The following IQCJ variants were observed in gnomAD, a reference collection of about 807,000 sequenced individuals.
IQCJ encodes IQ motif containing J.
IQCJ carries 9 observed loss-of-function variants against 11.0 expected under a neutral mutation model. That is an observed-to-expected ratio of 0.82 (90% CI 0.49 to 1.43). The LOEUF is 1.43. IQCJ is among the 40% of genes most tolerant of loss of function. IQCJ has a pLI of 0.00. For missense variants in IQCJ, 146 were observed against 133.2 expected (o/e 1.10, Z -0.47); for synonymous variants, 55 against 51.3 (o/e 1.07, Z -0.31).
At chr3:159,126,686 A>G (rs188952136) in intron 1 of IQCJ, among the ~76,000 whole-genome samples, 1 of 152,234 alleles carries the variant, frequency 6.6e-6, no homozygotes, top group African/African-American at 2.4e-5. Flanking sequence ...AGTGGATGAG[A>G]GCACACCCAA....
intron 1 of IQCJ, among the ~76,000 whole-genome samples, chr3:159,106,939 T>C (rs536915751): frequency 2.6e-5 from 4 of 152,188 alleles, no homozygotes; most frequent in African/African-American, 7.2e-5. Context: ...ATAAATCAAG[T>C]CTGCTTTATA....
chr3:159,123,525 T>C (rs916280609), intron 1 of IQCJ, among the ~76,000 whole-genome samples: 5 of 151,994 alleles, frequency 3.3e-5, no homozygotes, highest in African/African-American at 9.7e-5. Flanking sequence ...TGGAGCTTGA[T>C]TGGGTGGGTT....
intron 1 of IQCJ, among the ~76,000 whole-genome samples, chr3:159,199,743 C>T (rs1724204834): frequency 6.6e-6 from 1 of 151,924 alleles, no homozygotes; most frequent in African/African-American, 2.4e-5. Flanking sequence ...GTGGAGCAGT[C>T]CTGGACCCAT....
intron 1 of IQCJ, among the ~76,000 whole-genome samples, chr3:159,083,357 A>G (rs564748858): frequency 4.6e-5 from 7 of 152,298 alleles, no homozygotes; most frequent in African/African-American, 1.4e-4. Flanking sequence ...AGCACATGAA[A>G]GGATGTCCAA....
In IQCJ at chr3:159,137,059, C is replaced by T. The variant is rs534766525; in HGVS notation, c.9+67618C>T. 6.6e-5 allele frequency among the ~76,000 whole-genome samples: 10 copies of T among 152,118 alleles called. No homozygotes were observed. The East Asian group carries it at 1.5e-3, about 24-fold the overall frequency. ...CAGGTGGATCACCAGGTCAGGAGTT[C>T]GAGATAAGCCTGGCCAACATGGTGA... On this transcript the variant is annotated intron_variant, in intron 1 of 3. Coordinates refer to ENST00000397832, the MANE Select transcript of IQCJ (RefSeq NM_001042706.3).
intron 1 of IQCJ, among the ~76,000 whole-genome samples, chr3:159,151,961 C>T (rs1313080413): frequency 6.6e-6 from 1 of 152,180 alleles, no homozygotes; most frequent in East Asian, 1.9e-4. Flanking sequence ...AAGACTCCTT[C>T]TAAATATCAG....
At chr3:159,251,606 T>C (rs1727604707) in intron 2 of IQCJ, among the ~76,000 whole-genome samples, 1 of 141,518 alleles carries the variant, frequency 7.1e-6, no homozygotes, top group South Asian at 2.2e-4. Flanking sequence ...GTAATGTTTC[T>C]TGAAATTTTT....
chr3:159,250,010 G>A (rs1179864701), intron 2 of IQCJ, among the ~76,000 whole-genome samples: 2 of 152,212 alleles, frequency 1.3e-5, no homozygotes, highest in South Asian at 2.1e-4. Flanking sequence ...TTATGACTCC[G>A]TTGTTTAGGA....
chr3:159,165,682 C>T (rs369394828), intron 1 of IQCJ, among the ~76,000 whole-genome samples: 11 of 151,156 alleles, frequency 7.3e-5, no homozygotes, highest in African/African-American at 2.4e-4. Flanking sequence ...GGCTCGACCT[C>T]GGCTCACTGC....
intron 1 of IQCJ, among the ~76,000 whole-genome samples, chr3:159,080,461 C>A (rs751532141): frequency 6.6e-6 from 1 of 152,110 alleles, no homozygotes; most frequent in African/African-American, 2.4e-5. Flanking sequence ...AAGATTGGAA[C>A]CTTTTCAGCA....
intron 1 of IQCJ, among the ~76,000 whole-genome samples, chr3:159,147,983 A>G (rs1383756984): frequency 6.6e-6 from 1 of 152,260 alleles, no homozygotes; most frequent in Admixed American, 6.5e-5. Context: ...GCCTAGGCAT[A>G]TGTGCAAAAT....
intron 1 of IQCJ, among the ~76,000 whole-genome samples, chr3:159,164,410 T>A (rs1185775011): frequency 2.6e-5 from 4 of 152,212 alleles, no homozygotes; most frequent in African/African-American, 9.6e-5. Flanking sequence ...AAAAGTATTT[T>A]AAAAATGCTT....
chr3:159,262,587 G>T lies in IQCJ; in HGVS notation c.195G>T (p.Glu65Asp), dbSNP rs1728277864. Residue 65 changes from glutamate to aspartate, a missense_variant, in exon 4 of 4, where the codon GAG becomes GAT. Transcript: ENST00000397832. Reference protein sequence around the residue: ...RAWREYLQRQEPLGKRSPSPP... With the variant: ...RAWREYLQRQDPLGKRSPSPP... ...GGCGAGAGTACCTGCAGCGGCAGGA[G>T]CCCCTGGGGAAGAGGAGCCCGTCCC... is the stretch of plus-strand genomic sequence containing the variant. 3 of 1,613,786 alleles carry T rather than the reference G, an allele frequency of 1.9e-6. No homozygotes were observed. The African/African-American group carries it at 4.0e-5, about 22-fold the overall frequency.
At chr3:159,142,562 A>G (rs967032635) in intron 1 of IQCJ, among the ~76,000 whole-genome samples, 5 of 151,890 alleles carry the variant, frequency 3.3e-5, no homozygotes, top group African/African-American at 1.2e-4. Flanking sequence ...GATTACAGGC[A>G]CCTGCCACCA....
chr3:159,253,157 C>T (rs191580620), intron 3 of IQCJ, among the ~76,000 whole-genome samples: 1 of 152,170 alleles, frequency 6.6e-6, no homozygotes, highest in African/African-American at 2.4e-5. Flanking sequence ...CACCTCAAGC[C>T]ATCTATGTAT....
At chr3:159,204,535 G>T (rs775211624) in intron 1 of IQCJ, among the ~76,000 whole-genome samples, 27 of 152,228 alleles carry the variant, frequency 1.8e-4, no homozygotes, top group Non-Finnish European at 1.6e-4. Flanking sequence ...CAAAAGACAA[G>T]AAGTGGAAGC....
At chr3:159,155,229 C>T (rs1721450176) in intron 1 of IQCJ, among the ~76,000 whole-genome samples, 2 of 152,194 alleles carry the variant, frequency 1.3e-5, no homozygotes, top group African/African-American at 2.4e-5. Flanking sequence ...ATGATCTCAG[C>T]TCATTGCAAC....
At chr3:159,137,177 G>T (rs1720338254) in intron 1 of IQCJ, among the ~76,000 whole-genome samples, 2 of 151,742 alleles carry the variant, frequency 1.3e-5, no homozygotes, top group Admixed American at 6.6e-5. Context: ...CAGGAGAATT[G>T]CTTGAACTTG....
intron 1 of IQCJ, among the ~76,000 whole-genome samples, chr3:159,149,418 C>CA (rs1458179535): frequency 2.0e-5 from 3 of 152,320 alleles, no homozygotes; most frequent in Non-Finnish European, 2.9e-5. Context: ...TACAGTTTCA[C>CA]AGGCAGTGTC....
Sources: allele counts gnomAD v4.1 joint callset (sites outside exome capture counted in the v4.1 genomes callset), GRCh38; gene constraint gnomAD v4.1.1; transcripts MANE v1.5; gene names NCBI Gene and HGNC (gene_info 2026-07-23, HGNC 2026-07-21).